The following GSE1 variants were observed in gnomAD, a reference collection of about 807,000 sequenced individuals.
The protein encoded by GSE1 is genetic suppressor element 1.
Under a neutral mutation model 112.6 loss-of-function variants are expected in GSE1, and 32 were observed. That is an observed-to-expected ratio of 0.28 (90% CI 0.21 to 0.38). The LOEUF (loss-of-function observed/expected upper bound fraction) is 0.38. GSE1 is among the 10% of genes least tolerant of loss of function. GSE1 has a pLI of 1.00. For missense variants in GSE1, 2,348 were observed against 1,699.2 expected (o/e 1.38, Z -6.71); for synonymous variants, 1,115 against 735.6 (o/e 1.52, Z -8.35).
intron 2 of GSE1, among the ~76,000 whole-genome samples, chr16:85,534,640 C>G (rs1000812982): frequency 6.6e-6 from 1 of 152,176 alleles, no homozygotes; most frequent in Non-Finnish European, 1.5e-5. Context: ...ACTCCTGGGT[C>G]GTGTCCGCCT....
intron 2 of GSE1, among the ~76,000 whole-genome samples, chr16:85,526,796 G>A (rs1410198142): frequency 6.6e-6 from 1 of 152,234 alleles, no homozygotes; most frequent in Non-Finnish European, 1.5e-5. Flanking sequence ...GACCAGAGCC[G>A]ATAATTAGCT....
chr16:85,606,699 GTGGACGCAAGC>G (rs2047717672), upstream of GSE1, among the ~76,000 whole-genome samples: 1 of 152,240 alleles, frequency 6.6e-6, no homozygotes, highest in South Asian at 2.1e-4. Flanking sequence ...GGCAGCCCAA[GTGGACGCAAGC>G]TCTTCCCAGG....
intron 3 of GSE1, among the ~76,000 whole-genome samples, chr16:85,651,483 C>T (rs539307398): frequency 1.6e-4 from 25 of 152,304 alleles, no homozygotes; most frequent in African/African-American, 2.6e-4. Context: ...GGGCTTTGTC[C>T]TCGGCTGAGG....
At position 85,648,569 on chromosome 16, in the gene GSE1, G is replaced by A. The variant is rs1221441441; in HGVS notation, c.244G>A (p.Glu82Lys). Residue 82 changes from glutamate to lysine, a missense_variant, in exon 3 of 16, where the codon GAG (glutamate) becomes AAG (lysine). Glu to Lys is a moderately conservative substitution (Grantham distance 56). Coordinates refer to ENST00000253458, the MANE Select transcript of GSE1 (RefSeq NM_014615.5). ...EEPRGSSLSS[E>K]SSPVSSPATN... ...CTCCACAGGGTCCTCACTGAGCAGC[G>A]AGTCGTCCCCCGTGTCCTCTCCGGC... 2 of 1,573,194 alleles carry A rather than the reference G, an allele frequency of 1.3e-6. No individual in the cohort carries two copies. The highest frequency in any genetic ancestry group is 1.7e-6 in the Non-Finnish European group (2 of 1,159,342).
chr16:85,337,486 T>C (rs2046523735), intron 1 of GSE1, among the ~76,000 whole-genome samples: 1 of 151,868 alleles, frequency 6.6e-6, no homozygotes, highest in Non-Finnish European at 1.5e-5. Context: ...TTTGTATTTT[T>C]AGTAGAGACA....
At chr16:85,649,637 C>T (rs1368919312) in intron 3 of GSE1, among the ~76,000 whole-genome samples, 4 of 152,116 alleles carry the variant, frequency 2.6e-5, no homozygotes, top group Admixed American at 6.5e-5. Context: ...CTCTCCCGGC[C>T]CCCCACCCCT....
At chr16:85,310,944 C>G (rs2045825164) in intron 1 of GSE1, among the ~76,000 whole-genome samples, 1 of 152,198 alleles carries the variant, frequency 6.6e-6, no homozygotes, top group South Asian at 2.1e-4. Context: ...GTAGAGGGGA[C>G]AGCAGGGCCC....
chr16:85,576,126 CTGGG>C (rs2046219470), intron 1 of GSE1, among the ~76,000 whole-genome samples: 2 of 152,184 alleles, frequency 1.3e-5, no homozygotes, highest in South Asian at 4.1e-4. Flanking sequence ...TGATCTCTCT[CTGGG>C]TAATAGTATG....
At chr16:85,403,512 G>T (rs981060368) in intron 2 of GSE1, among the ~76,000 whole-genome samples, 2 of 152,062 alleles carry the variant, frequency 1.3e-5, no homozygotes, top group Non-Finnish European at 2.9e-5. Context: ...ATTGTAGGCC[G>T]GGCACAGTGG....
chr16:85,263,187 A>G (rs1907892617), intron 1 of GSE1, among the ~76,000 whole-genome samples: 1 of 152,224 alleles, frequency 6.6e-6, no homozygotes, highest in Admixed American at 6.5e-5. Context: ...GTGTGGTCAG[A>G]ATAGGCCTCC....
At chr16:85,512,298 C>A (rs1037136079) in intron 2 of GSE1, among the ~76,000 whole-genome samples, 2 of 152,136 alleles carry the variant, frequency 1.3e-5, no homozygotes, top group East Asian at 1.9e-4. Flanking sequence ...GGCTGTGAAG[C>A]AGTTAGAGTA....
chr16:85,435,968 G>T (rs945978463), intron 2 of GSE1, among the ~76,000 whole-genome samples: 2 of 152,186 alleles, frequency 1.3e-5, no homozygotes, highest in African/African-American at 4.8e-5. Context: ...GGCAGGTGGG[G>T]TCTGGGGCTC....
chr16:85,181,930 C>T (rs2074594759), intron 1 of GSE1, among the ~76,000 whole-genome samples: 1 of 152,212 alleles, frequency 6.6e-6, no homozygotes, highest in Non-Finnish European at 1.5e-5. Flanking sequence ...GCTGGCGCGT[C>T]CTCCAGGCGT....
chr16:85,175,283 C>T (rs1328923439), intron 1 of GSE1, among the ~76,000 whole-genome samples: 2 of 152,140 alleles, frequency 1.3e-5, no homozygotes, highest in Non-Finnish European at 2.9e-5. Flanking sequence ...AGGGCTGTGT[C>T]TGGGGTGGCC....
intron 2 of GSE1, among the ~76,000 whole-genome samples, chr16:85,640,800 T>G (rs1035054551): frequency 7.2e-5 from 11 of 152,356 alleles, no homozygotes; most frequent in African/African-American, 2.4e-4. Flanking sequence ...GGTGTCAGTC[T>G]GCGGCGGCGG....
intron 1 of GSE1, among the ~76,000 whole-genome samples, chr16:85,215,420 G>C (rs150478266): frequency 1.8e-4 from 28 of 152,204 alleles, no homozygotes; most frequent in African/African-American, 6.3e-4. Context: ...GGTTGTGGGG[G>C]GGCCAGGGAT....
chr16:85,229,115 G>T (rs2075538458), intron 1 of GSE1, among the ~76,000 whole-genome samples: 2 of 152,252 alleles, frequency 1.3e-5, no homozygotes, highest in Non-Finnish European at 2.9e-5. Flanking sequence ...GGGGGTGGCG[G>T]CATCGTGGGA....
At chr16:85,346,053 G>A (rs1199369797) in intron 1 of GSE1, among the ~76,000 whole-genome samples, 2 of 151,566 alleles carry the variant, frequency 1.3e-5, no homozygotes, top group South Asian at 4.2e-4. Context: ...GAATGGATGG[G>A]TGGATGAACA....
At chr16:85,219,916 C>T (rs1339535876) in intron 1 of GSE1, among the ~76,000 whole-genome samples, 1 of 152,224 alleles carries the variant, frequency 6.6e-6, no homozygotes, top group Admixed American at 6.5e-5. Flanking sequence ...GGTGACAGGA[C>T]TTCCTTTGGA....
Sources: allele counts gnomAD v4.1 joint callset (sites outside exome capture counted in the v4.1 genomes callset), GRCh38; gene constraint gnomAD v4.1.1; transcripts MANE v1.5; gene names NCBI Gene and HGNC (gene_info 2026-07-23, HGNC 2026-07-21).